Variants in SV2C observed in about 807,000 individuals in gnomAD.
SV2C encodes solute carrier family 22 member B3.
Under a neutral mutation model 79.7 loss-of-function variants are expected in SV2C, and 49 were observed. The ratio of observed to expected loss-of-function variants is 0.61; its 90% CI spans 0.49 to 0.78. The LOEUF is 0.78. Ranked by LOEUF, SV2C falls within the 30% of genes least tolerant of loss-of-function variation. The probability of loss-of-function intolerance (pLI) is 0.00; values close to 1 mark genes in which losing one functional copy is unlikely to be tolerated. For missense variants in SV2C, 833 were observed against 912.9 expected (o/e 0.91, Z 1.13); for synonymous variants, 334 against 333.2 (o/e 1.00, Z -0.03).
intron 2 of SV2C, among the ~76,000 whole-genome samples, chr5:76,151,209 A>G (rs1216087921): frequency 6.6e-6 from 1 of 152,228 alleles, no homozygotes; most frequent in Non-Finnish European, 1.5e-5. Context: ...TTTCTGAAAG[A>G]CAGAACAAAC....
the SV2C span, among the ~76,000 whole-genome samples, chr5:76,016,254 T>TCAAAAAAAAAAAAAAAA: frequency 1.1e-5 from 1 of 90,374 alleles, no homozygotes; most frequent in Non-Finnish European, 1.9e-5. Flanking sequence ...TTTAATTTTC[T>TCAAAAAAAAAAAAAAAA]AAAAAAAAAA....
intron 2 of SV2C, among the ~76,000 whole-genome samples, chr5:76,168,546 T>A (rs1409729863): frequency 6.6e-6 from 1 of 152,214 alleles, no homozygotes; most frequent in African/African-American, 2.4e-5. Flanking sequence ...GGTATGGTGA[T>A]CTTTGACCAA....
chr5:76,167,552 G>C (rs1743080613), intron 2 of SV2C, among the ~76,000 whole-genome samples: 1 of 152,212 alleles, frequency 6.6e-6, no homozygotes, highest in Non-Finnish European at 1.5e-5. Flanking sequence ...AGGTTTTACT[G>C]TGTGCCAGAT....
chr5:75,965,453 A>C, the SV2C span, among the ~76,000 whole-genome samples: 1 of 152,182 alleles, frequency 6.6e-6, no homozygotes, highest in South Asian at 2.1e-4. Context: ...AAGAAGCTTA[A>C]GGGAACTTAT....
rs1465763335 is a variant in SV2C at position 76,332,248 on chromosome 5, G to A, written c.*6701G>A. Reference sequence around the variant, plus strand: ...TCAACCCTTTGTTCAGACTCAGACGGGTTTCAACTCAAGCGGGTAATCTAC... The same window carrying A: ...TCAACCCTTTGTTCAGACTCAGACGAGTTTCAACTCAAGCGGGTAATCTAC... On this transcript the variant is annotated 3_prime_UTR_variant, in exon 13 of 13. Transcript: ENST00000502798. 1 of 152,184 alleles carries A rather than the reference G, an allele frequency of 6.6e-6. No individual in the cohort carries two copies. The highest frequency in any genetic ancestry group is 2.4e-5 in the African/African-American group (1 of 41,420). The allele number at this position is 152,184 out of a possible 1,614,324, so 9.4% of individuals were successfully genotyped here.
chr5:75,976,507 C>A, the SV2C span, among the ~76,000 whole-genome samples: 2 of 151,978 alleles, frequency 1.3e-5, no homozygotes, highest in Admixed American at 1.3e-4. Context: ...ATAACAATAA[C>A]AGGCTTTCAG....
At chr5:76,184,535 G>A (rs1029031265) in intron 2 of SV2C, among the ~76,000 whole-genome samples, 2 of 152,360 alleles carry the variant, frequency 1.3e-5, no homozygotes, top group African/African-American at 4.8e-5. Context: ...TTGACTCACA[G>A]TTCTGCATGG....
intron 1 of SV2C, among the ~76,000 whole-genome samples, chr5:76,121,814 C>G (rs1044356991): frequency 1.3e-5 from 2 of 151,738 alleles, no homozygotes; most frequent in African/African-American, 2.4e-5. Flanking sequence ...ATGCCTCCAG[C>G]TTTGTTCTTT....
chr5:76,296,655 T>C (rs935522284), intron 9 of SV2C, among the ~76,000 whole-genome samples: 1 of 152,330 alleles, frequency 6.6e-6, no homozygotes, highest in East Asian at 1.9e-4. Context: ...ATAGTTTACA[T>C]CATTCTTAGG....
chr5:76,041,934 C>G, the SV2C span, among the ~76,000 whole-genome samples: 424 of 152,238 alleles, frequency 2.8e-3, 1 homozygote, highest in Non-Finnish European at 3.8e-3. Flanking sequence ...AGAACTCCCC[C>G]CAAAATCCAG....
chr5:76,200,622 C>CT (rs1489664976), intron 3 of SV2C, among the ~76,000 whole-genome samples: 2 of 152,022 alleles, frequency 1.3e-5, no homozygotes, highest in Non-Finnish European at 2.9e-5. Flanking sequence ...GGAAGGAGTT[C>CT]TTTTTTATTT....
At chr5:76,303,783 C>T (rs1354349305) in intron 12 of SV2C, among the ~76,000 whole-genome samples, 2 of 152,152 alleles carry the variant, frequency 1.3e-5, no homozygotes, top group Non-Finnish European at 2.9e-5. Flanking sequence ...TTCAGGTCCT[C>T]CATGAAGCAG....
chr5:75,963,919 A>G, the SV2C span, among the ~76,000 whole-genome samples: 124 of 151,776 alleles, frequency 8.2e-4, no homozygotes, highest in African/African-American at 2.7e-3. Context: ...CGGTTCTTCT[A>G]TTGAATTTTG....
At chr5:76,037,360 T>A in the SV2C span, among the ~76,000 whole-genome samples, 2 of 152,234 alleles carry the variant, frequency 1.3e-5, no homozygotes. Context: ...TCTGTTTTTT[T>A]CCCCATCTTT....
At chr5:76,212,781 ACT>A (rs1744803437) in intron 4 of SV2C, among the ~76,000 whole-genome samples, 1 of 151,564 alleles carries the variant, frequency 6.6e-6, no homozygotes, top group Non-Finnish European at 1.5e-5. Context: ...AGTTCCTCTG[ACT>A]CTGCCTTTCA....
the SV2C span, among the ~76,000 whole-genome samples, chr5:75,867,938 T>C: frequency 2.0e-5 from 3 of 152,214 alleles, no homozygotes; most frequent in South Asian, 6.2e-4. Context: ...AACTACACAG[T>C]CCCTACTCTC....
chr5:76,275,091 C>T (rs1746982141), intron 4 of SV2C, among the ~76,000 whole-genome samples: 1 of 152,136 alleles, frequency 6.6e-6, no homozygotes, highest in African/African-American at 2.4e-5. Context: ...ACATATGATA[C>T]TTAATGTTTT....
the SV2C span, among the ~76,000 whole-genome samples, chr5:76,033,347 C>T: frequency 6.6e-6 from 1 of 152,096 alleles, no homozygotes; most frequent in South Asian, 2.1e-4. Flanking sequence ...AATGGTATTG[C>T]CTAGGTTTTC....
At chr5:76,216,896 T>C (rs756080315) in intron 4 of SV2C, among the ~76,000 whole-genome samples, 7 of 152,214 alleles carry the variant, frequency 4.6e-5, no homozygotes, top group African/African-American at 7.2e-5. Flanking sequence ...GGCTTTGGAA[T>C]TGCTGCTAGA....
Sources: gnomAD v4.1 joint callset for allele counts (sites outside exome capture counted in the v4.1 genomes callset) on GRCh38, gnomAD v4.1.1 for gene constraint, MANE v1.5 for transcripts, NCBI Gene and HGNC (gene_info 2026-07-23, HGNC 2026-07-21) for gene names.